Variants in RNASEH1 observed in about 807,000 individuals in gnomAD.
RNASEH1 encodes ribonuclease H type II.
Under a neutral mutation model 34.6 loss-of-function variants are expected in RNASEH1, and 27 were observed. That is an observed-to-expected ratio of 0.78 (90% CI 0.58 to 1.08). The LOEUF (loss-of-function observed/expected upper bound fraction) is 1.08. Among genes scored for constraint, RNASEH1 ranks in the 50% least tolerant of loss-of-function variants. RNASEH1 has a pLI of 0.00. For synonymous variants in RNASEH1, 162 were observed against 138.4 expected, an observed-to-expected ratio of 1.17 and a Z score of -1.20; for missense variants, 349 against 373.6, an observed-to-expected ratio of 0.93 and a Z score of 0.54.
In RNASEH1 at chr2:3,556,844, T is replaced by C. The variant is rs747392235; in HGVS notation, c.189A>G (p.Thr63=). 6.2e-7 allele frequency: 1 copy of C among 1,614,150 alleles called. No homozygotes were observed. Among genetic ancestry groups the C allele is most frequent in the East Asian group, 2.2e-5 (1 of 44,894 alleles). Residue 63 remains threonine (T), a synonymous_variant, in exon 2 of 8, where the codon ACA becomes ACG. Transcript: ENST00000315212. The part of the protein sequence containing the change: ...FPAARFKKFA[T]EDEAWAFVRK... ...TGACAAAGGCCCAGGCCTCATCCTCTGTGGCAAACTTCTTAAATCTGGCAG... is the reference window on the plus strand; with the variant it reads ...TGACAAAGGCCCAGGCCTCATCCTCCGTGGCAAACTTCTTAAATCTGGCAG...
chr2:3,532,795 T>A, the RNASEH1 span, among the ~76,000 whole-genome samples: 2 of 152,186 alleles, frequency 1.3e-5, no homozygotes, highest in African/African-American at 2.4e-5. Context: ...CCCAAAGAGA[T>A]GCACCCAACA....
downstream of RNASEH1, among the ~76,000 whole-genome samples, chr2:3,537,591 C>T (rs1668049685): frequency 6.6e-6 from 1 of 152,052 alleles, no homozygotes; most frequent in African/African-American, 2.4e-5. Context: ...AATGGTGGCA[C>T]ACACTTGTAG....
chr2:3,552,389 T>G (rs919890623), intron 2 of RNASEH1, 81 bp from the exon 3 acceptor site: 2 of 1,367,090 alleles, frequency 1.5e-6, no homozygotes, highest in African/African-American at 1.5e-5. Context: ...TTCAGTAAAT[T>G]ATTTAGTATC....
At chr2:3,557,657 G>C (rs1188997750) in intron 1 of RNASEH1, 1 of 386,068 alleles carries the variant, frequency 2.6e-6, no homozygotes, top group Non-Finnish European at 5.3e-6. Flanking sequence ...ACCTGAAAGT[G>C]AGAATAATCC....
chr2:3,548,920 A>G (rs991039569), intron 5 of RNASEH1, 138 bp downstream of exon 5: 8 of 881,274 alleles, frequency 9.1e-6, no homozygotes, highest in Admixed American at 4.6e-5. Flanking sequence ...CAAAATTCCT[A>G]TTTTTCAAAA....
chr2:3,532,086 T>C, the RNASEH1 span: 1 of 584,222 alleles, frequency 1.7e-6, no homozygotes, highest in Non-Finnish European at 3.1e-6. Flanking sequence ...AAGGAGAGGG[T>C]TTTTATGCAG....
chr2:3,551,345 G>T (rs888397893), intron 3 of RNASEH1, among the ~76,000 whole-genome samples: 19 of 152,202 alleles, frequency 1.2e-4, no homozygotes, highest in African/African-American at 4.6e-4. Flanking sequence ...AACTGTCTCA[G>T]GAGCCAGCAC....
At chr2:3,534,949 A>C in the RNASEH1 span, among the ~76,000 whole-genome samples, 31 of 152,350 alleles carry the variant, frequency 2.0e-4, no homozygotes, top group African/African-American at 7.5e-4. Context: ...GGGTCCCTAG[A>C]GGAGTCACAT....
intron 7 of RNASEH1, 149 bp from the exon 8 acceptor site, chr2:3,546,020 G>C (rs2103309698): frequency 3.1e-6 from 2 of 639,244 alleles, no homozygotes; most frequent in Non-Finnish European, 2.8e-6. Context: ...ATCCTCAACA[G>C]CACGCTGTCC....
At chr2:3,551,673 C>T (rs962881609) in intron 3 of RNASEH1, among the ~76,000 whole-genome samples, 3 of 152,198 alleles carry the variant, frequency 2.0e-5, no homozygotes, top group Non-Finnish European at 4.4e-5. Flanking sequence ...TTCTGTGAGT[C>T]ACTAAATACA....
chr2:3,551,304 G>T (rs1659881814), intron 3 of RNASEH1, among the ~76,000 whole-genome samples: 1 of 152,196 alleles, frequency 6.6e-6, no homozygotes, highest in African/African-American at 2.4e-5. Flanking sequence ...AACTGTATCA[G>T]CATGACTACA....
At chr2:3,557,932 G>A in intron 1 of RNASEH1, 1 of 1,531,260 alleles carries the variant, frequency 6.5e-7, no homozygotes, top group Non-Finnish European at 8.8e-7. Flanking sequence ...ACAAGTCTTC[G>A]GTGCGTTCCA....
At chr2:3,553,677 G>T (rs1384489904) in intron 2 of RNASEH1, among the ~76,000 whole-genome samples, 3 of 152,060 alleles carry the variant, frequency 2.0e-5, no homozygotes, top group East Asian at 1.9e-4. Context: ...GGCGTGAGCC[G>T]CTGCGCCCGG....
chr2:3,537,726 A>G (rs1247152263), downstream of RNASEH1, among the ~76,000 whole-genome samples: 2 of 146,876 alleles, frequency 1.4e-5, no homozygotes, highest in African/African-American at 5.0e-5. Context: ...GTCTCAAAAG[A>G]AAAAAAAAAA....
chr2:3,533,556 GTTTATGGGGAGAGATACA>G, the RNASEH1 span: 1 of 152,346 alleles, frequency 6.6e-6, no homozygotes, highest in African/African-American at 2.4e-5. Context: ...GAGTTGCAAT[GTTTATGGGGAGAGATACA>G]TTTATGGGGA....
Position 3,549,109 on chromosome 2 carries a change from A to C in RNASEH1, c.513T>G (p.Asn171Lys). Residue 171 changes from asparagine (N) to lysine (K), a missense_variant, in exon 5 of 8, where the codon AAT (asparagine) becomes AAG (lysine). Asn to Lys is a moderately conservative substitution (Grantham distance 94). Transcript: ENST00000315212. ...GCCGCCCAGGAAGTCTAATGCCTAC[A>C]TTTCTGTTTCAAAACAGTACAAAAG... The part of the protein sequence containing the change: ...GVYWGPGHPL[N>K]VGIRLPGRQT... 1.9e-6 allele frequency: 3 copies of C among 1,612,462 alleles called. No individual in the cohort carries two copies. In the South Asian group the frequency reaches 3.3e-5, roughly 18 times the overall value.
chr2:3,556,487 T>TA (rs1660511142), intron 2 of RNASEH1, among the ~76,000 whole-genome samples: 1 of 151,944 alleles, frequency 6.6e-6, no homozygotes, highest in African/African-American at 2.4e-5. Flanking sequence ...TGTATTTTAG[T>TA]AGAGATGGAG....
intron 2 of RNASEH1, 25 bp from the exon 3 acceptor site, chr2:3,552,333 A>G (rs1262978842): frequency 1.2e-6 from 2 of 1,606,062 alleles, no homozygotes; most frequent in Non-Finnish European, 1.7e-6. Context: ...TCCACTCGTG[A>G]GCTGGAAACA....
rs185812765 is a variant in RNASEH1, at chr2:3,542,879, A to G, written c.*2906T>C. Among the ~76,000 whole-genome samples, 11 of 152,250 alleles carry G rather than the reference A, an allele frequency of 7.2e-5. No homozygotes were observed. The highest frequency in any genetic ancestry group is 3.9e-4 in the Admixed American group (6 of 15,284). On this transcript the variant is annotated 3_prime_UTR_variant, in exon 8 of 8. Transcript: ENST00000315212. Reference sequence around the variant, plus strand: ...TTCTTCCTTTAAATATGTGTGTGCAATGTTTGTATTTTTTTAAAGCTCCGT... The same window carrying G: ...TTCTTCCTTTAAATATGTGTGTGCAGTGTTTGTATTTTTTTAAAGCTCCGT...
Sources: allele counts gnomAD v4.1 joint callset (sites outside exome capture counted in the v4.1 genomes callset), GRCh38; gene constraint gnomAD v4.1.1; transcripts MANE v1.5; gene names NCBI Gene and HGNC (gene_info 2026-07-23, HGNC 2026-07-21).